Variants in EMC8 observed in about 807,000 individuals in gnomAD.
EMC8 encodes the protein COX4 neighbor.
EMC8 carries 11 observed loss-of-function variants against 24.3 expected under a neutral mutation model. That is an observed-to-expected ratio of 0.45 (90% CI 0.28 to 0.75). The LOEUF (loss-of-function observed/expected upper bound fraction) is 0.75. Ranked by LOEUF, EMC8 falls within the 30% of genes least tolerant of loss-of-function variation. EMC8 has a pLI of 0.12. For synonymous variants in EMC8, 145 were observed against 117.7 expected, an observed-to-expected ratio of 1.23 and a Z score of -1.50; for missense variants, 277 against 282.7, an observed-to-expected ratio of 0.98 and a Z score of 0.14.
At chr16:85,798,552 T>A (rs938423891) in intron 1 of EMC8, 2 of 153,758 alleles carry the variant, frequency 1.3e-5, no homozygotes, top group African/African-American at 4.8e-5. Context: ...CTAAGATGCA[T>A]CACACAGATC....
chr16:85,792,649 G>A (rs1905066202), intron 1 of EMC8: 1 of 152,424 alleles, frequency 6.6e-6, no homozygotes, highest in Admixed American at 6.5e-5. Context: ...GCTTGCTGGT[G>A]GTGTAGGTGT....
chr16:85,788,453 C>T (rs2152074608), intron 2 of EMC8, among the ~76,000 whole-genome samples: 1 of 152,356 alleles, frequency 6.6e-6, no homozygotes, highest in African/African-American at 2.4e-5. Context: ...ATGACGCAGA[C>T]ATATAGAAAA....
intron 1 of EMC8, 68 bp from the exon 2 acceptor site, chr16:85,789,118 C>A (rs976751895): frequency 3.1e-6 from 3 of 980,152 alleles, no homozygotes; most frequent in Non-Finnish European, 3.3e-6. Context: ...GTAAAAACCA[C>A]AGATCTCACT....
intron 1 of EMC8, among the ~76,000 whole-genome samples, chr16:85,790,906 AG>A: frequency 6.6e-6 from 1 of 152,192 alleles, no homozygotes; most frequent in African/African-American, 2.4e-5. Context: ...AGTTCACTGC[AG>A]CCTTGAACTC....
intron 3 of EMC8, 65 bp from the exon 4 acceptor site, chr16:85,780,538 T>A: frequency 8.5e-7 from 1 of 1,171,126 alleles, no homozygotes; most frequent in South Asian, 1.3e-5. Flanking sequence ...GGCAGGCGCC[T>A]CCTCGGGGCT....
intron 1 of EMC8, among the ~76,000 whole-genome samples, chr16:85,789,311 CAG>C (rs1328190691): frequency 4.6e-5 from 7 of 152,200 alleles, no homozygotes; most frequent in African/African-American, 1.7e-4. Context: ...TACAGTGCTG[CAG>C]AGAGTCAGAG....
intron 1 of EMC8, among the ~76,000 whole-genome samples, chr16:85,793,954 A>AT (rs67026058): frequency 6.6e-6 from 1 of 152,174 alleles, no homozygotes; most frequent in African/African-American, 2.4e-5. Context: ...AAATGCAAGG[A>AT]TTTTTTTAAT....
Position 85,779,548 on chromosome 16 carries a change from C to T in EMC8, c.*160G>A, listed in dbSNP as rs533799154. ...TCTTCTAGAGACTCTGTGTTAAAAA[C>T]ACGACCGACTGAACATTCTGCCCCC... is the stretch of plus-strand genomic sequence containing the variant. On this transcript the variant is annotated 3_prime_UTR_variant, in exon 5 of 5. Transcript: ENST00000253457. 4.9e-5 allele frequency: 33 copies of T among 674,866 alleles called. No individual in the cohort carries two copies. Among genetic ancestry groups the T allele is most frequent in the Non-Finnish European group, 7.0e-5 (28 of 399,204 alleles). 41.8% of individuals were successfully genotyped at this position (674,866 alleles called of 1,614,324 possible).
chr16:85,784,885 G>C (rs541010757), intron 2 of EMC8: 39 of 152,306 alleles, frequency 2.6e-4, no homozygotes, highest in African/African-American at 8.9e-4. Context: ...GAGAGGGTAA[G>C]GAAACACTCA....
At chr16:85,798,437 A>G (rs776532395) in intron 1 of EMC8, among the ~76,000 whole-genome samples, 1 of 152,124 alleles carries the variant, frequency 6.6e-6, no homozygotes, top group Non-Finnish European at 1.5e-5. Flanking sequence ...GAAATTCTTT[A>G]GCTTTTAAAA....
chr16:85,798,964 C>G, intron 1 of EMC8, 101 bp downstream of exon 1: 1 of 824,570 alleles, frequency 1.2e-6, no homozygotes, highest in Non-Finnish European at 1.9e-6. Flanking sequence ...GGAGCGGGTC[C>G]TAGGAGCCTG....
At chr16:85,780,272 G>A (rs1904426054) in intron 4 of EMC8, 107 bp downstream of exon 4, 2 of 789,652 alleles carry the variant, frequency 2.5e-6, no homozygotes, top group African/African-American at 3.4e-5. Context: ...TTGGTATCAT[G>A]CTTCTGGAGA....
intron 1 of EMC8, among the ~76,000 whole-genome samples, chr16:85,798,174 T>C (rs1905346843): frequency 1.5e-5 from 2 of 129,766 alleles, no homozygotes; most frequent in South Asian, 5.1e-4. Flanking sequence ...CAGGCTGGAG[T>C]GCAGTGGCGT....
intron 1 of EMC8, among the ~76,000 whole-genome samples, chr16:85,798,308 GAAGGGGTTTC>G (rs1905361602): frequency 6.6e-6 from 1 of 151,868 alleles, no homozygotes; most frequent in African/African-American, 2.4e-5. Flanking sequence ...TTTTAGTAGA[GAAGGGGTTTC>G]ACCATGTTGG....
intron 2 of EMC8, among the ~76,000 whole-genome samples, chr16:85,782,963 G>A (rs537701694): frequency 5.3e-5 from 8 of 152,190 alleles, no homozygotes; most frequent in Admixed American, 5.2e-4. Context: ...CTTCCTAACC[G>A]GTCTCATAAT....
intron 1 of EMC8, chr16:85,792,691 G>A (rs1905067565): frequency 1.3e-5 from 2 of 152,316 alleles, no homozygotes; most frequent in Non-Finnish European, 2.9e-5. Flanking sequence ...AGTGGCTGCA[G>A]GATCCTGCCC....
intron 1 of EMC8, among the ~76,000 whole-genome samples, chr16:85,791,315 A>G (rs570389631): frequency 6.6e-6 from 1 of 152,072 alleles, no homozygotes; most frequent in East Asian, 1.9e-4. Flanking sequence ...TTATTTTTTA[A>G]TTTTTATTTA....
At chr16:85,795,524 C>T (rs771013774) in intron 1 of EMC8, among the ~76,000 whole-genome samples, 4 of 137,942 alleles carry the variant, frequency 2.9e-5, no homozygotes, top group Non-Finnish European at 4.6e-5. Flanking sequence ...GTTCCCTCTC[C>T]GCCTTTCTGA....
At chr16:85,796,621 C>T (rs994668108) in intron 1 of EMC8, among the ~76,000 whole-genome samples, 20 of 152,314 alleles carry the variant, frequency 1.3e-4, no homozygotes, top group African/African-American at 4.3e-4. Context: ...TCTCTCTGCC[C>T]GCTGCCCCTT....
Sources: allele counts gnomAD v4.1 joint callset (sites outside exome capture counted in the v4.1 genomes callset), GRCh38; gene constraint gnomAD v4.1.1; transcripts MANE v1.5; gene names NCBI Gene and HGNC (gene_info 2026-07-23, HGNC 2026-07-21).